Variants in CBFB observed in about 807,000 individuals in gnomAD.
CBFB encodes CBF-beta.
A neutral mutation model predicts 30.4 loss-of-function variants in CBFB; 9 were observed. The ratio of observed to expected loss-of-function variants is 0.30; its 90% confidence interval spans 0.18 to 0.52. The LOEUF is 0.52. Ranked by LOEUF, CBFB falls within the 20% of genes least tolerant of loss-of-function variation. The pLI is 0.97. For missense variants in CBFB, 170 were observed against 244.0 expected, an observed-to-expected ratio of 0.70 and a Z score of 2.02; for synonymous variants, 94 against 84.0, an observed-to-expected ratio of 1.12 and a Z score of -0.65.
intron 4 of CBFB, among the ~76,000 whole-genome samples, chr16:67,074,375 A>C (rs1297659515): frequency 2.0e-5 from 3 of 147,398 alleles, no homozygotes; most frequent in Non-Finnish European, 4.4e-5. Context: ...ATAAAATGTA[A>C]AACAGTAAAG....
chr16:67,088,837 G>C (rs187102575), intron 5 of CBFB, among the ~76,000 whole-genome samples: 1 of 152,158 alleles, frequency 6.6e-6, no homozygotes, highest in East Asian at 1.9e-4. Context: ...TGCTAAACTT[G>C]TAACAGTGGT....
At chr16:67,054,700 C>G (rs1215476043) in intron 3 of CBFB, among the ~76,000 whole-genome samples, 1 of 152,072 alleles carries the variant, frequency 6.6e-6, no homozygotes, top group Non-Finnish European at 1.5e-5. Context: ...TCTACTTTAT[C>G]TTCAGAGTCT....
intron 3 of CBFB, among the ~76,000 whole-genome samples, chr16:67,058,433 G>A (rs896528789): frequency 2.6e-5 from 4 of 152,068 alleles, no homozygotes; most frequent in Non-Finnish European, 5.9e-5. Context: ...GAACCACCAC[G>A]CCCGACCAAC....
rs139947504 is a variant in CBFB at position 67,057,225 on chromosome 16, T to C, written c.283-9457T>C. Among the ~76,000 whole-genome samples, 246 of 151,178 alleles carry C rather than the reference T, an allele frequency of 1.6e-3. 4 individuals are homozygous for C. The highest frequency in any genetic ancestry group is 1.2e-3 in the Non-Finnish European group (81 of 67,774). On this transcript the variant is annotated intron_variant, in intron 3 of 5. Transcript: ENST00000412916. ...CTCGAACTTCTGACCTCAGATGATT[T>C]GCCTGCCTTGGCCTCCCAAAGCACA... is the stretch of plus-strand genomic sequence containing the variant.
intron 4 of CBFB, among the ~76,000 whole-genome samples, chr16:67,076,865 T>TC (rs1358959181): frequency 6.6e-6 from 1 of 152,090 alleles, no homozygotes; most frequent in Non-Finnish European, 1.5e-5. Flanking sequence ...TTCTTGAGAC[T>TC]CAAGTTTTCT....
rs141276779 is a variant in CBFB at position 67,076,323 on chromosome 16, G to C, written c.400-5890G>C. Among the ~76,000 whole-genome samples, 868 of 152,222 alleles carry C rather than the reference G, an allele frequency of 5.7e-3. 3 individuals carry two copies. Among genetic ancestry groups the C allele is most frequent in the African/African-American group, 0.02 (811 of 41,530 alleles). ...GTAGGTCGATCACTTGAGCCCAGGT[G>C]GTCAAGGCTGCAGTGAGCCATGATT... On this transcript the variant is annotated intron_variant, in intron 4 of 5. Coordinates refer to ENST00000412916, the MANE Select transcript of CBFB (RefSeq NM_022845.3).
chr16:67,049,863 C>T (rs992470858), intron 3 of CBFB, among the ~76,000 whole-genome samples: 2 of 152,006 alleles, frequency 1.3e-5, no homozygotes, highest in Non-Finnish European at 2.9e-5. Flanking sequence ...TAATACTGCA[C>T]TGTATAGAAG....
intron 3 of CBFB, among the ~76,000 whole-genome samples, chr16:67,059,685 G>T (rs1346503916): frequency 6.6e-6 from 1 of 152,120 alleles, no homozygotes; most frequent in Non-Finnish European, 1.5e-5. Context: ...AGCCTGCCCT[G>T]CTGGGGTTTT....
At chr16:67,047,400 G>GA (rs1342980943) in intron 3 of CBFB, among the ~76,000 whole-genome samples, 3 of 152,168 alleles carry the variant, frequency 2.0e-5, no homozygotes, top group Non-Finnish European at 4.4e-5. Flanking sequence ...TTTTGTGGAT[G>GA]AAAAACCTTT....
chr16:67,088,923 C>T (rs1302489474), intron 5 of CBFB, among the ~76,000 whole-genome samples: 1 of 152,148 alleles, frequency 6.6e-6, no homozygotes, highest in Non-Finnish European at 1.5e-5. Flanking sequence ...GTTGGTGGCC[C>T]AAGGGGTTTT....
At chr16:67,059,627 A>G (rs1266870253) in intron 3 of CBFB, among the ~76,000 whole-genome samples, 2 of 152,214 alleles carry the variant, frequency 1.3e-5, no homozygotes, top group Non-Finnish European at 2.9e-5. Flanking sequence ...TGGGGCCTGT[A>G]ACAACCTTTA....
intron 3 of CBFB, among the ~76,000 whole-genome samples, chr16:67,045,633 C>T (rs550031223): frequency 6.6e-6 from 1 of 152,182 alleles, no homozygotes; most frequent in South Asian, 2.1e-4. Context: ...TTGTGAAGTC[C>T]CGTTTTCTCT....
chr16:67,080,588 G>C lies in CBFB; in HGVS notation c.400-1625G>C, dbSNP rs549107526. ...TCCTGAGGTATCTGGGTTTCCTTCA[G>C]GTGCAGATCTTTAGCCACTAACTGG... is the stretch of plus-strand genomic sequence containing the variant. On this transcript the variant is annotated intron_variant, in intron 4 of 5. Transcript: ENST00000412916. Among the ~76,000 whole-genome samples, 4 of 152,260 alleles carry C rather than the reference G, an allele frequency of 2.6e-5. No homozygotes were observed. In the South Asian group the frequency reaches 8.3e-4, roughly 32 times the overall value.
chr16:67,037,666 ATTTT>A (rs35804914), intron 3 of CBFB, among the ~76,000 whole-genome samples: 2 of 129,286 alleles, frequency 1.5e-5, no homozygotes, highest in Admixed American at 7.9e-5. Context: ...GATTTTGGTA[ATTTT>A]TTTTTTTTTT....
chr16:67,066,697 C>T lies in CBFB; in HGVS notation c.298C>T (p.Pro100Ser). 1 of 1,596,398 alleles carries T rather than the reference C, an allele frequency of 6.3e-7. No homozygotes were observed. Among genetic ancestry groups the T allele is most frequent in the East Asian group, 2.2e-5 (1 of 44,720 alleles). The part of the protein sequence containing the change: ...REAGKVYLKA[P>S]MILNGVCVIW... ...TGTGTCTTAGGTATATTTGAAGGCT[C>T]CCATGATTCTGAATGGAGTCTGTGT... is the stretch of plus-strand genomic sequence containing the variant. Residue 100 changes from proline to serine, a missense_variant, in exon 4 of 6, where the codon CCC becomes TCC. Pro to Ser is a moderately conservative substitution (Grantham distance 74). Coordinates refer to ENST00000412916, the MANE Select transcript of CBFB (RefSeq NM_022845.3).
At chr16:67,042,556 GA>G (rs1567606325) in intron 3 of CBFB, among the ~76,000 whole-genome samples, 1 of 152,230 alleles carries the variant, frequency 6.6e-6, no homozygotes, top group Non-Finnish European at 1.5e-5. Flanking sequence ...ACCTGGGACT[GA>G]CTGCACTGGG....
intron 3 of CBFB, among the ~76,000 whole-genome samples, chr16:67,038,429 C>T (rs866449827): frequency 6.6e-6 from 1 of 151,434 alleles, no homozygotes; most frequent in African/African-American, 2.4e-5. Context: ...TTCTCCAATT[C>T]TGTAGAATTA....
chr16:67,039,307 T>C (rs781758500), intron 3 of CBFB, among the ~76,000 whole-genome samples: 1 of 152,150 alleles, frequency 6.6e-6, no homozygotes, highest in Admixed American at 6.6e-5. Context: ...AGAAAAGATA[T>C]GGTAAAAATA....
intron 4 of CBFB, among the ~76,000 whole-genome samples, chr16:67,073,070 T>C (rs1410704078): frequency 1.3e-5 from 2 of 152,172 alleles, no homozygotes; most frequent in African/African-American, 2.4e-5. Flanking sequence ...TTGCATATTA[T>C]AATTAGTAAA....
Sources: allele counts gnomAD v4.1 joint callset (sites outside exome capture counted in the v4.1 genomes callset), GRCh38; gene constraint gnomAD v4.1.1; transcripts MANE v1.5; gene names NCBI Gene and HGNC (gene_info 2026-07-23, HGNC 2026-07-21).